VWF: variants seen among roughly 807,000 people sequenced by gnomAD.
VWF encodes von Willebrand factor.
In VWF, 176 loss-of-function variants were observed where a neutral mutation model predicts 308.6. The ratio of observed to expected loss-of-function variants is 0.57; its 90% CI spans 0.50 to 0.65. The LOEUF is 0.65. Ranked by LOEUF, VWF falls within the 30% of genes least tolerant of loss-of-function variation. The pLI, the probability that VWF is intolerant of heterozygous loss-of-function variation, is 0.00. For synonymous variants in VWF, 1,385 were observed against 1,443.4 expected (o/e 0.96, Z 0.92); for missense variants, 3,146 against 3,648.2 (o/e 0.86, Z 3.55).
intron 6 of VWF, among the ~76,000 whole-genome samples, chr12:6,088,866 G>A (rs1439145844): frequency 6.6e-6 from 1 of 152,216 alleles, no homozygotes; most frequent in African/African-American, 2.4e-5. Context: ...CAGTCCCAGT[G>A]GAGACAGGCA....
chr12:5,994,740 G>T (rs138339711), intron 35 of VWF, 133 bp from the exon 36 acceptor site: 2 of 794,974 alleles, frequency 2.5e-6, no homozygotes, highest in African/African-American at 3.4e-5. Flanking sequence ...GATATTTGTC[G>T]GCAGCTCTTC....
intron 47 of VWF, among the ~76,000 whole-genome samples, chr12:5,961,698 C>T (rs1943318907): frequency 6.7e-6 from 1 of 149,312 alleles, no homozygotes; most frequent in African/African-American, 2.5e-5. Context: ...ACAAACAAAA[C>T]ATAAAATTTA....
At chr12:6,047,200 C>T (rs755829646) in intron 16 of VWF, among the ~76,000 whole-genome samples, 6 of 152,250 alleles carry the variant, frequency 3.9e-5, no homozygotes, top group Admixed American at 6.5e-5. Context: ...CCTAGGCTCG[C>T]TCCTCTTCTC....
chr12:6,061,476 A>AG (rs2136459277), intron 13 of VWF, among the ~76,000 whole-genome samples: 1 of 152,054 alleles, frequency 6.6e-6, no homozygotes, highest in Non-Finnish European at 1.5e-5. Flanking sequence ...AAAAGGAAAA[A>AG]AAAAAAAAAA....
At chr12:5,971,779 C>G (rs1251544777) in intron 43 of VWF, 70 bp from the exon 44 acceptor site, 1 of 1,320,046 alleles carries the variant, frequency 7.6e-7, no homozygotes, top group East Asian at 2.3e-5. Flanking sequence ...ACCTACGCCT[C>G]CTGCGTACTG....
In VWF at chr12:6,051,517, G is replaced by A. The variant is rs567388797; in HGVS notation, c.2186+1026C>T. 1.5e-4 allele frequency among the ~76,000 whole-genome samples: 23 copies of A among 152,066 alleles called. No homozygotes were observed. In the South Asian group the frequency reaches 1.9e-3, roughly 12 times the overall value. ...TCTCGATCTACTGACCTCGTGATCCGCCCACCTCGGCCTCCCTAAGTGTTG... is the reference window on the plus strand; with the variant it reads ...TCTCGATCTACTGACCTCGTGATCCACCCACCTCGGCCTCCCTAAGTGTTG... On this transcript the variant is annotated intron_variant, in intron 16 of 51. Transcript: ENST00000261405.
intron 48 of VWF, 81 bp from the exon 49 acceptor site, chr12:5,952,600 G>A: frequency 6.4e-7 from 1 of 1,555,668 alleles, no homozygotes; most frequent in East Asian, 2.3e-5. Flanking sequence ...TTGACTCCAT[G>A]GAGATGACGA....
At position 6,024,933 on chromosome 12, in the gene VWF, G is replaced by A. The variant is rs1453180983; in HGVS notation, c.3222+647C>T. Among the ~76,000 whole-genome samples, 1 of 151,322 alleles carries A rather than the reference G, an allele frequency of 6.6e-6. No homozygotes were observed. Among genetic ancestry groups the A allele is most frequent in the Admixed American group, 6.6e-5 (1 of 15,142 alleles). ...AGGTACTCGGGAGGTTGAGGCAGGAGAATCGCTTGAGCCCAGGAGGCAGAG... is the reference window on the plus strand; with the variant it reads ...AGGTACTCGGGAGGTTGAGGCAGGAAAATCGCTTGAGCCCAGGAGGCAGAG... On this transcript the variant is annotated intron_variant, in intron 24 of 51. Transcript: ENST00000261405. This position sits in a 1 kb window ranked among gnomAD's most constrained non-coding sequence, Gnocchi z 4.0.
At position 5,991,890 on chromosome 12, in the gene VWF, T is replaced by C. The variant is rs1438129979; in HGVS notation, c.6727A>G (p.Met2243Val). 2 of 1,614,212 alleles carry C rather than the reference T, an allele frequency of 1.2e-6. No individual in the cohort carries two copies. The highest frequency in any genetic ancestry group is 1.7e-6 in the Non-Finnish European group (2 of 1,180,042). ...TCAGGGACACAGCTGCCTTCCAACATGACTTTATCTGGAGGGCAGAAACAG... is the reference window on the plus strand; with the variant it reads ...TCAGGGACACAGCTGCCTTCCAACACGACTTTATCTGGAGGGCAGAAACAG... ...EGCFCPPDKV[M>V]LEGSCVPEEA... The change falls in exon 38 of 52, where the codon ATG (methionine) becomes GTG (valine). Residue 2243 changes from methionine to valine, a missense_variant. Around this residue, in one of 3 missense-constraint regions of VWF, gnomAD observed 989 missense variants for 1,117.4 expected, o/e 0.89. Coordinates refer to ENST00000261405, the MANE Select transcript of VWF (RefSeq NM_000552.5).
At position 6,092,622 on chromosome 12, in the gene VWF, T is replaced by TGAGAGAGAGAGA. The variant is rs1403649370; in HGVS notation, c.657+2837_657+2838insTCTCTCTCTCTC. ...GCTAGTTAGTGAGTGAGTGAGAGTG[T>TGAGAGAGAGAGA]GTGTGTGTGTGTGTGTGTGTGTGTG... On this transcript the variant is annotated intron_variant, in intron 6 of 51. Transcript: ENST00000261405. Among the ~76,000 whole-genome samples the TGAGAGAGAGAGA allele has an allele frequency of 1.5e-3, 135 of 91,520 alleles. 4 individuals are homozygous for TGAGAGAGAGAGA. The highest frequency in any genetic ancestry group is 4.7e-3 in the Middle Eastern group (1 of 212). The allele number at this position is 91,520 out of a possible 152,430, so 60.0% of individuals were successfully genotyped here. A position where few individuals can be genotyped will look rare whatever the true frequency, so the allele number is the denominator to read the frequency against.
chr12:5,964,354 T>A (rs12369177), intron 47 of VWF, among the ~76,000 whole-genome samples: 9 of 151,998 alleles, frequency 5.9e-5, no homozygotes, highest in South Asian at 2.1e-4. Context: ...AATTATTAGC[T>A]TTGCTTTCAG....
intron 5 of VWF, among the ~76,000 whole-genome samples, chr12:6,103,421 T>TATATACAC: frequency 8.5e-6 from 1 of 117,636 alleles, no homozygotes; most frequent in African/African-American, 6.0e-5. Context: ...CACACGTGTG[T>TATATACAC]GTATACACAC....
rs1565832589 is a variant in VWF, at chr12:6,019,911, ATC to A, written c.3675-170_3675-169del. 6.6e-6 allele frequency among the ~76,000 whole-genome samples: 1 copy of A among 152,210 alleles called. No individual in the cohort carries two copies. The highest frequency in any genetic ancestry group is 2.4e-5 in the African/African-American group (1 of 41,448). On this transcript the variant is annotated intron_variant, in intron 27 of 51. Transcript: ENST00000261405. This position sits in a 1 kb window ranked among gnomAD's most constrained non-coding sequence, Gnocchi z 5.8. The stretch of plus-strand genomic sequence containing the variant: ...TCCAAGTGAGATGTCATTGTTTAAC[ATC>A]TGTCCCCAAATAGCATGCCCCCCAC...
chr12:6,019,593 T>C lies in VWF; in HGVS notation c.3825A>G (p.Leu1275=), dbSNP rs772976020. 3.7e-6 allele frequency: 6 copies of C among 1,613,960 alleles called. No individual in the cohort carries two copies. The South Asian group carries it at 4.4e-5, about 12-fold the overall frequency. The change falls in exon 28 of 52, where the codon CTA becomes CTG. Residue 1275 remains leucine, a synonymous_variant. Transcript: ENST00000261405. This position sits in a 1 kb window ranked among gnomAD's most constrained non-coding sequence, Gnocchi z 5.8. ...CATCCAGCAGGAAGACCAGGTCCAG[T>C]AGCCTGCTGCAGTAGAAATCGTGCA... ...PPLHDFYCSR[L]LDLVFLLDGS... is the part of the protein sequence containing the mutation.
chr12:6,043,554 T>C (rs942682905), intron 18 of VWF, among the ~76,000 whole-genome samples: 1 of 152,110 alleles, frequency 6.6e-6, no homozygotes, highest in Admixed American at 6.5e-5. Flanking sequence ...TCCTTCAGGA[T>C]GTATGCGTAA....
intron 5 of VWF, among the ~76,000 whole-genome samples, chr12:6,100,926 A>C (rs913724900): frequency 1.3e-5 from 2 of 152,214 alleles, no homozygotes; most frequent in East Asian, 3.8e-4. Context: ...AAATAGCAAG[A>C]GTAGAGCTTC....
At position 6,058,147 on chromosome 12, in the gene VWF, G is replaced by C. The variant is rs1944611336; in HGVS notation, c.1534-103C>G. 9.1e-6 allele frequency: 12 copies of C among 1,312,498 alleles called. No homozygotes were observed. The South Asian group carries it at 1.4e-4, about 16-fold the overall frequency. 81.3% of individuals were successfully genotyped at this position (1,312,498 alleles called of 1,614,324 possible). On this transcript the variant is annotated intron_variant, in intron 13 of 51. Transcript: ENST00000261405. The surrounding 1 kb of genome is among the most constrained non-coding windows in gnomAD (Gnocchi z 4.9). ...TAATAAAAAAAAAAAAGTTCCCCGG[G>C]TGAAACATAAATATGAATGTAATAA...
chr12:6,092,618 AGTGTGTGTGTGTGTGTGT>A lies in VWF; in HGVS notation c.657+2824_657+2841del, dbSNP rs752209524. 3.8e-3 allele frequency among the ~76,000 whole-genome samples: 249 copies of A among 66,216 alleles called. 3 individuals carry two copies. The highest frequency in any genetic ancestry group is 8.8e-3 in the Middle Eastern group (1 of 114). The allele number at this position is 66,216 out of a possible 152,430, so 43.4% of individuals were successfully genotyped here. A position where few individuals can be genotyped will look rare whatever the true frequency, so the allele number is the denominator to read the frequency against. ...CCCAGCTAGTTAGTGAGTGAGTGAG[AGTGTGTGTGTGTGTGTGT>A]GTGTGTGTGTGTGTGTGTGTGTGTG... is the stretch of plus-strand genomic sequence containing the variant. On this transcript the variant is annotated intron_variant, in intron 6 of 51. Coordinates refer to ENST00000261405, the MANE Select transcript of VWF (RefSeq NM_000552.5).
At chr12:6,038,327 C>T (rs1944359712) in intron 18 of VWF, among the ~76,000 whole-genome samples, 1 of 152,204 alleles carries the variant, frequency 6.6e-6, no homozygotes, top group African/African-American at 2.4e-5. Context: ...CCAGATAATA[C>T]GCCTCCTTGT....
Sources: allele counts gnomAD v4.1 joint callset (sites outside exome capture counted in the v4.1 genomes callset), GRCh38; gene constraint gnomAD v4.1.1; regional missense constraint gnomAD v4.1.1; non-coding constraint Gnocchi (gnomAD v3.1); transcripts MANE v1.5; gene names NCBI Gene and HGNC (gene_info 2026-07-23, HGNC 2026-07-21).